Variants in MED12L observed in about 807,000 individuals in gnomAD.
The protein encoded by MED12L is mediator of RNA polymerase II transcription subunit 12-like protein.
Under a neutral mutation model 281.3 loss-of-function variants are expected in MED12L, and 60 were observed. The ratio of observed to expected loss-of-function variants is 0.21; its 90% CI spans 0.17 to 0.26. The LOEUF is 0.26. Among genes scored for constraint, MED12L ranks in the 10% least tolerant of loss-of-function variants. The pLI, the probability that MED12L is intolerant of heterozygous loss-of-function variation, is 1.00. For missense variants in MED12L, 2,146 were observed against 2,680.9 expected (o/e 0.80, Z 4.41); for synonymous variants, 974 against 987.2 (o/e 0.99, Z 0.25).
intron 2 of MED12L, among the ~76,000 whole-genome samples, chr3:151,099,325 T>C (rs1721117115): frequency 6.6e-6 from 1 of 152,216 alleles, no homozygotes; most frequent in African/African-American, 2.4e-5. Context: ...AGATTGAGGA[T>C]CTATTAAGCT....
chr3:151,281,982 A>G (rs557297267), intron 16 of MED12L, among the ~76,000 whole-genome samples: 60 of 152,306 alleles, frequency 3.9e-4, no homozygotes, highest in Middle Eastern at 3.4e-3. Context: ...TTGATTCCAT[A>G]AATGTCCTAT....
intron 35 of MED12L, 182 bp from the exon 36 acceptor site, chr3:151,384,848 A>T (rs1713054040): frequency 1.8e-6 from 1 of 547,806 alleles, no homozygotes; most frequent in South Asian, 2.4e-5. Context: ...CTTAAATAGA[A>T]GAAATGAAAC....
intron 16 of MED12L, among the ~76,000 whole-genome samples, chr3:151,233,255 C>T (rs559239442): frequency 6.6e-6 from 1 of 152,350 alleles, no homozygotes; most frequent in South Asian, 2.1e-4. Context: ...TCACCTTGAG[C>T]TACGCTGTCT....
intron 11 of MED12L, among the ~76,000 whole-genome samples, chr3:151,177,547 G>A (rs1327169128): frequency 3.3e-5 from 5 of 152,002 alleles, no homozygotes; most frequent in African/African-American, 7.3e-5. Flanking sequence ...TCTCACTGTC[G>A]CCTACAATCA....
chr3:151,087,001 C>T lies in MED12L; in HGVS notation c.75C>T (p.Tyr25=). The change falls in exon 2 of 45, where the codon TAC becomes TAT. Residue 25 remains tyrosine, a synonymous_variant. Transcript: ENST00000687756. ...KRPRLGPPDV[Y]PQDPKQKEDE... ...CCCGGCTCGGGCCGCCCGACGTCTA[C>T]CCACAGGACCCCAAGCAGAAGGAGG... The T allele has an allele frequency of 6.2e-7, 1 of 1,609,968 alleles. No individual in the cohort carries two copies. Among genetic ancestry groups the T allele is most frequent in the East Asian group, 2.2e-5 (1 of 44,696 alleles).
In MED12L at chr3:151,435,870, T is replaced by TAA. The variant is rs1560165589; in HGVS notation, c.*3068_*3069dup. The TAA allele has an allele frequency of 6.6e-6, 1 of 151,798 alleles. No individual in the cohort carries two copies. The highest frequency in any genetic ancestry group is 1.9e-4 in the East Asian group (1 of 5,192). The allele number at this position is 151,798 out of a possible 1,614,324, so 9.4% of individuals were successfully genotyped here. On this transcript the variant is annotated 3_prime_UTR_variant, in exon 45 of 45. Coordinates refer to ENST00000687756, the MANE Select transcript of MED12L (RefSeq NM_001393769.1). ...CCCTCCCAAGCATTTTCCCATCCCATAAAGAATTAATGAAATGAAATGCTT... is the reference window on the plus strand; with the variant it reads ...CCCTCCCAAGCATTTTCCCATCCCATAAAAAGAATTAATGAAATGAAATGCTT...
chr3:151,307,183 TTATGTG>T (rs1746768945), intron 16 of MED12L, among the ~76,000 whole-genome samples: 1 of 152,196 alleles, frequency 6.6e-6, no homozygotes, highest in Admixed American at 6.5e-5. Flanking sequence ...AAGCCTGACT[TTATGTG>T]TATGTGTATT....
intron 16 of MED12L, among the ~76,000 whole-genome samples, chr3:151,336,160 T>C (rs1381541754): frequency 6.6e-6 from 1 of 152,232 alleles, no homozygotes; most frequent in Non-Finnish European, 1.5e-5. Flanking sequence ...AATATCCTGG[T>C]ATTCCTATAG....
rs1719943233 is a variant in MED12L at position 151,434,992 on chromosome 3, T to TAAAG, written c.*2192_*2195dup. On this transcript the variant is annotated 3_prime_UTR_variant, in exon 45 of 45. Transcript: ENST00000687756. ...AATGCTGTTTTACCCCTGCGCATTA[T>TAAAG]AAAGAAAATAACTAGAATTACTTTA... 6.8e-6 allele frequency: 1 copy of TAAAG among 148,056 alleles called. No homozygotes were observed. Among genetic ancestry groups the TAAAG allele is most frequent in the South Asian group, 2.1e-4 (1 of 4,652 alleles). 9.2% of individuals were successfully genotyped at this position (148,056 alleles called of 1,614,324 possible). A position where few individuals can be genotyped will look rare whatever the true frequency, so the allele number is the denominator to read the frequency against.
chr3:151,319,996 C>T (rs909693356), intron 16 of MED12L, among the ~76,000 whole-genome samples: 5 of 152,114 alleles, frequency 3.3e-5, no homozygotes, highest in Non-Finnish European at 5.9e-5. Context: ...CTGAAATGAA[C>T]TCTTTATTCT....
At chr3:151,116,472 C>A in intron 3 of MED12L, 30 bp downstream of exon 3, 1 of 1,458,752 alleles carries the variant, frequency 6.9e-7, no homozygotes, top group Non-Finnish European at 9.6e-7. Flanking sequence ...TCCTCAAACT[C>A]CTGAAAAAGT....
chr3:151,190,709 C>G lies in MED12L; in HGVS notation c.1754-8C>G. ...AAGGAATTCTTGATTGAATTTGTTTCTCTATAGCGGACCCAAACAGTGAAT... is the reference window on the plus strand; with the variant it reads ...AAGGAATTCTTGATTGAATTTGTTTGTCTATAGCGGACCCAAACAGTGAAT... On this transcript the variant is annotated splice_polypyrimidine_tract_variant and splice_region_variant and intron_variant, in intron 13 of 44. Transcript: ENST00000687756. The G allele has an allele frequency of 6.2e-7, 1 of 1,613,514 alleles. No homozygotes were observed. Among genetic ancestry groups the G allele is most frequent in the South Asian group, 1.1e-5 (1 of 91,052 alleles).
chr3:151,356,189 TAGG>T lies in MED12L; in HGVS notation c.2661+153_2661+155del, dbSNP rs548250661. ...CCGAGGTAGGAGGATTGCTTGAATC[TAGG>T]AGTTTTAGACCAGCCTGGGCAACTT... On this transcript the variant is annotated intron_variant, in intron 19 of 44. Transcript: ENST00000687756. The T allele has an allele frequency of 5.2e-5, 41 of 781,596 alleles. No individual in the cohort carries two copies. In the East Asian group the frequency reaches 9.0e-4, roughly 17 times the overall value. The allele number at this position is 781,596 out of a possible 1,614,324, so 48.4% of individuals were successfully genotyped here. A position where few individuals can be genotyped will look rare whatever the true frequency, so the allele number is the denominator to read the frequency against.
chr3:151,270,243 T>TGTGTGTGTGTGTG (rs1559964090), intron 16 of MED12L: 1 of 25,484 alleles, frequency 3.9e-5, no homozygotes, highest in Non-Finnish European at 9.8e-5. Flanking sequence ...GTGTGTGTGT[T>TGTGTGTGTGTGTG]TTCTTTTGGG....
chr3:151,101,947 C>T (rs1304692534), intron 2 of MED12L, among the ~76,000 whole-genome samples: 1 of 152,144 alleles, frequency 6.6e-6, no homozygotes, highest in African/African-American at 2.4e-5. Flanking sequence ...ATAGACAACA[C>T]TCATATTTCT....
intron 23 of MED12L, among the ~76,000 whole-genome samples, chr3:151,366,845 A>G (rs1339323056): frequency 6.6e-6 from 1 of 152,074 alleles, no homozygotes; most frequent in Non-Finnish European, 1.5e-5. Flanking sequence ...TCTTTAATAT[A>G]GTTTCTTAAT....
At chr3:151,104,717 G>T (rs1190248282) in intron 2 of MED12L, among the ~76,000 whole-genome samples, 3 of 152,190 alleles carry the variant, frequency 2.0e-5, no homozygotes, top group Non-Finnish European at 4.4e-5. Flanking sequence ...ATTCTCTCAT[G>T]GTTCTAGAGG....
At chr3:151,328,700 G>A (rs1322681529) in intron 16 of MED12L, 1 of 1,613,678 alleles carries the variant, frequency 6.2e-7, no homozygotes, top group East Asian at 2.2e-5. Context: ...TATCACCGAA[G>A]AAAAACGACA....
chr3:151,096,913 G>A (rs1463793409), intron 2 of MED12L, among the ~76,000 whole-genome samples: 5 of 152,218 alleles, frequency 3.3e-5, no homozygotes, highest in Admixed American at 2.0e-4. Context: ...TAGGGCACCC[G>A]GTGCCTCTTT....
Sources: allele counts gnomAD v4.1 joint callset (sites outside exome capture counted in the v4.1 genomes callset), GRCh38; gene constraint gnomAD v4.1.1; transcripts MANE v1.5; gene names NCBI Gene and HGNC (gene_info 2026-07-23, HGNC 2026-07-21).